The following SMIM31 variants were observed in gnomAD, a reference collection of about 807,000 sequenced individuals.
The protein encoded by SMIM31 is human epithelial cell program regulator.
chr4:164,787,310 T>A (rs1007839758), intron 2 of SMIM31: 1 of 152,032 alleles, frequency 6.6e-6, no homozygotes, highest in East Asian at 1.9e-4. Context: ...TGGCAACACA[T>A]GCACTAAAAT....
Position 164,770,450 on chromosome 4 carries a change from C to CT in SMIM31, c.9dup (p.Pro4SerfsTer31), listed in dbSNP as rs1165054905. 2 of 398,536 alleles carry CT rather than the reference C, an allele frequency of 5.0e-6. No individual in the cohort carries two copies. Among genetic ancestry groups the CT allele is most frequent in the African/African-American group, 4.1e-5 (2 of 48,492 alleles). 24.7% of individuals were successfully genotyped at this position (398,536 alleles called of 1,614,324 possible). A position where few individuals can be genotyped will look rare whatever the true frequency, so the allele number is the denominator to read the frequency against. ...AAGTTTTCGGTGGTGGTTCATGGAG[C>CT]TTCCCTACACCAACTTGGAAATGGC... On this transcript the variant is annotated frameshift_variant, in exon 2 of 3. Transcript: ENST00000507311. LOFTEE classifies it high-confidence loss of function.
chr4:164,788,159 G>A (rs1733050935), intron 2 of SMIM31, among the ~76,000 whole-genome samples: 1 of 152,278 alleles, frequency 6.6e-6, no homozygotes. Flanking sequence ...GTCCCTGTTT[G>A]GAAGAATGTT....
At chr4:164,783,546 AAAG>A (rs905901668) in intron 2 of SMIM31, among the ~76,000 whole-genome samples, 15 of 151,880 alleles carry the variant, frequency 9.9e-5, no homozygotes, top group Admixed American at 3.9e-4. Flanking sequence ...AAAAAAAAAA[AAAG>A]GAATTTCCAT....
At chr4:164,762,662 CAAAAAAAAAAAAAAA>C (rs1162067333) in intron 1 of SMIM31, among the ~76,000 whole-genome samples, 1 of 100,116 alleles carries the variant, frequency 1.0e-5, no homozygotes, top group Admixed American at 1.2e-4. Flanking sequence ...GACTCTGTCT[CAAAAAAAAAAAAAAA>C]AAAAAAGAAA....
intron 1 of SMIM31, among the ~76,000 whole-genome samples, chr4:164,762,450 C>T (rs1732662858): frequency 6.6e-6 from 1 of 151,902 alleles, no homozygotes; most frequent in South Asian, 2.1e-4. Context: ...GGCGTGGTGG[C>T]TCACACCTAT....
At chr4:164,762,291 T>C (rs1473794918) in intron 1 of SMIM31, among the ~76,000 whole-genome samples, 1 of 152,222 alleles carries the variant, frequency 6.6e-6, no homozygotes, top group East Asian at 1.9e-4. Flanking sequence ...GAGATATACC[T>C]AACATCAACA....
intron 2 of SMIM31, among the ~76,000 whole-genome samples, chr4:164,800,287 G>A (rs972907449): frequency 4.0e-5 from 6 of 151,426 alleles, no homozygotes; most frequent in African/African-American, 1.2e-4. Context: ...TCAGCTCTCT[G>A]CAATCTCCAC....
At chr4:164,791,006 A>G (rs1208702670) in intron 2 of SMIM31, among the ~76,000 whole-genome samples, 1 of 152,192 alleles carries the variant, frequency 6.6e-6, no homozygotes, top group African/African-American at 2.4e-5. Context: ...ACTGAAGCTG[A>G]AAAACTCCAT....
At chr4:164,788,631 A>G (rs1733060951) in intron 2 of SMIM31, among the ~76,000 whole-genome samples, 1 of 150,566 alleles carries the variant, frequency 6.6e-6, no homozygotes, top group Admixed American at 6.6e-5. Context: ...CTGGGATTAC[A>G]GGCATGCACC....
In SMIM31 at chr4:164,768,427, C is replaced by CAAAAAAA. The variant is rs758951225; in HGVS notation, c.-25-1982_-25-1976dup. On this transcript the variant is annotated intron_variant, in intron 1 of 2. Coordinates refer to ENST00000507311, the MANE Select transcript of SMIM31 (RefSeq NM_001352885.1). ...CTGGGTGACGAGCAACAGTACATCT[C>CAAAAAAA]AAAAAAAAAAAAAAAAGAATGAGGA... 1.4e-3 allele frequency among the ~76,000 whole-genome samples: 129 copies of CAAAAAAA among 94,642 alleles called. 12 individuals are homozygous for CAAAAAAA. Among genetic ancestry groups the CAAAAAAA allele is most frequent in the East Asian group, 2.4e-3 (7 of 2,950 alleles). 62.1% of individuals were successfully genotyped at this position (94,642 alleles called of 152,430 possible). A position where few individuals can be genotyped will look rare whatever the true frequency, so the allele number is the denominator to read the frequency against.
chr4:164,759,536 T>C (rs62352418), intron 1 of SMIM31, among the ~76,000 whole-genome samples: 17,011 of 152,154 alleles, frequency 0.11, 1,056 homozygotes, highest in African/African-American at 0.15. Context: ...ATGACTCGAA[T>C]GGGTAAGCTT....
At chr4:164,796,450 C>A (rs1198997656) in intron 2 of SMIM31, among the ~76,000 whole-genome samples, 6 of 152,180 alleles carry the variant, frequency 3.9e-5, no homozygotes, top group African/African-American at 1.4e-4. Context: ...TCCTCTCTAT[C>A]GGTACACATT....
chr4:164,782,927 T>C (rs1465453171), intron 2 of SMIM31, among the ~76,000 whole-genome samples: 1 of 152,050 alleles, frequency 6.6e-6, no homozygotes, highest in Non-Finnish European at 1.5e-5. Flanking sequence ...TAAATAAAAA[T>C]GGAATTTCCA....
At chr4:164,797,589 G>T (rs1206481668) in intron 2 of SMIM31, among the ~76,000 whole-genome samples, 1 of 151,148 alleles carries the variant, frequency 6.6e-6, no homozygotes, top group Non-Finnish European at 1.5e-5. Flanking sequence ...TCAGCCTCCT[G>T]AGTGGCTGGA....
intron 2 of SMIM31, among the ~76,000 whole-genome samples, chr4:164,799,112 A>G (rs1429158210): frequency 1.3e-5 from 2 of 152,096 alleles, no homozygotes; most frequent in Non-Finnish European, 2.9e-5. Context: ...GTCTCTGGGC[A>G]TGGTGGCTCA....
At chr4:164,797,594 G>T (rs950592428) in intron 2 of SMIM31, among the ~76,000 whole-genome samples, 11 of 151,618 alleles carry the variant, frequency 7.3e-5, no homozygotes, top group Non-Finnish European at 1.3e-4. Context: ...CTCCTGAGTG[G>T]CTGGAACTAC....
At chr4:164,760,220 A>G (rs1732627595) in intron 1 of SMIM31, among the ~76,000 whole-genome samples, 1 of 152,196 alleles carries the variant, frequency 6.6e-6, no homozygotes, top group African/African-American at 2.4e-5. Context: ...CTGGCTTTTA[A>G]TCTGAGTGAA....
chr4:164,759,186 A>C (rs2110917453), intron 1 of SMIM31, among the ~76,000 whole-genome samples: 1 of 152,128 alleles, frequency 6.6e-6, no homozygotes, highest in South Asian at 2.1e-4. Flanking sequence ...TGTTTTTGTA[A>C]TGTCTGCCAG....
At chr4:164,754,508 T>A (rs545044702) in intron 1 of SMIM31, 97 bp downstream of exon 1, 2 of 149,614 alleles carry the variant, frequency 1.3e-5, no homozygotes, top group South Asian at 4.2e-4. Context: ...AATATTTAAC[T>A]GCCACAGCTA....
Sources: allele counts gnomAD v4.1 joint callset (sites outside exome capture counted in the v4.1 genomes callset), GRCh38; gene constraint gnomAD v4.1.1; transcripts MANE v1.5; gene names NCBI Gene and HGNC (gene_info 2026-07-23, HGNC 2026-07-21).